BICC1: variants seen among roughly 807,000 people sequenced by gnomAD.
BICC1 encodes BicC family RNA binding protein 1, also known as protein bicaudal C homolog 1.
A neutral mutation model predicts 111.0 loss-of-function variants in BICC1; 43 were observed. That is an observed-to-expected ratio of 0.39 (90% CI 0.30 to 0.50). The LOEUF is 0.50. Among genes scored for constraint, BICC1 ranks in the 20% least tolerant of loss-of-function variants. The pLI is 0.88. For synonymous variants in BICC1, 467 were observed against 434.4 expected, an observed-to-expected ratio of 1.07 and a Z score of -0.93; for missense variants, 1,091 against 1,203.2, an observed-to-expected ratio of 0.91 and a Z score of 1.38.
chr10:58,732,094 C>G (rs998137121), intron 3 of BICC1, among the ~76,000 whole-genome samples: 1 of 152,016 alleles, frequency 6.6e-6, no homozygotes, highest in South Asian at 2.1e-4. Context: ...TTTCAACATG[C>G]CTTGTTTACT....
chr10:58,512,845 T>A (rs1474429886), upstream of BICC1, among the ~76,000 whole-genome samples: 1 of 148,610 alleles, frequency 6.7e-6, no homozygotes, highest in Non-Finnish European at 1.5e-5. Flanking sequence ...GCCCTGCGGA[T>A]GGAGGCGCGG....
At chr10:58,516,962 C>G (rs1842257701) in intron 1 of BICC1, among the ~76,000 whole-genome samples, 1 of 152,052 alleles carries the variant, frequency 6.6e-6, no homozygotes, top group Non-Finnish European at 1.5e-5. Context: ...TGCCAGAGTA[C>G]TGAGGCAATC....
intron 3 of BICC1, among the ~76,000 whole-genome samples, chr10:58,704,986 A>C (rs1467623164): frequency 6.6e-6 from 1 of 152,206 alleles, no homozygotes; most frequent in African/African-American, 2.4e-5. Context: ...TTTACTTTTT[A>C]AGCCATTAAT....
intron 17 of BICC1, among the ~76,000 whole-genome samples, chr10:58,809,408 CTT>C (rs1843827511): frequency 2.0e-5 from 3 of 151,544 alleles, no homozygotes; most frequent in Admixed American, 6.6e-5. Context: ...ACTGGCTAGT[CTT>C]TGTATTTTTG....
At chr10:58,774,940 CAGA>C (rs1175411369) in intron 3 of BICC1, among the ~76,000 whole-genome samples, 2 of 152,064 alleles carry the variant, frequency 1.3e-5, no homozygotes, top group Non-Finnish European at 2.9e-5. Context: ...GAAGAAATTT[CAGA>C]AGATCATCTT....
intron 2 of BICC1, among the ~76,000 whole-genome samples, chr10:58,687,481 A>T (rs1839772703): frequency 6.6e-6 from 1 of 152,196 alleles, no homozygotes; most frequent in African/African-American, 2.4e-5. Flanking sequence ...GAGTCTACAG[A>T]GGGAGGCAGG....
intron 1 of BICC1, among the ~76,000 whole-genome samples, chr10:58,550,296 A>G (rs1843261829): frequency 6.6e-6 from 1 of 152,166 alleles, no homozygotes; most frequent in African/African-American, 2.4e-5. Flanking sequence ...TGCTAGGGCT[A>G]CAGGCATGAG....
rs182843124 is a variant in BICC1 at position 58,540,675 on chromosome 10, A to G, written c.190+27342A>G. 2.0e-5 allele frequency among the ~76,000 whole-genome samples: 3 copies of G among 152,182 alleles called. No homozygotes were observed. The East Asian group carries it at 5.8e-4, about 29-fold the overall frequency. On this transcript the variant is annotated intron_variant, in intron 1 of 20. Coordinates refer to ENST00000373886, the MANE Select transcript of BICC1 (RefSeq NM_001080512.3). ...TGGCTTCACTGGAGAATGCTTCTAA[A>G]CAATTAAATAAGAATTAACACCAGT...
intron 3 of BICC1, among the ~76,000 whole-genome samples, chr10:58,734,045 T>G (rs570231810): frequency 6.6e-6 from 1 of 152,228 alleles, no homozygotes; most frequent in Non-Finnish European, 1.5e-5. Flanking sequence ...CACTTCCATC[T>G]GTGGGAAAAG....
In BICC1 at chr10:58,554,751, G is replaced by C. The variant is rs559195859; in HGVS notation, c.190+41418G>C. On this transcript the variant is annotated intron_variant, in intron 1 of 20. Transcript: ENST00000373886. ...TTTAAACAATGTGATATCAATGTTG[G>C]TTTAATATCCTGATTTTTAAAGTCT... 2.5e-3 allele frequency among the ~76,000 whole-genome samples: 382 copies of C among 150,564 alleles called. 2 individuals are homozygous for C. The highest frequency in any genetic ancestry group is 3.5e-3 in the Non-Finnish European group (236 of 67,648).
intron 1 of BICC1, among the ~76,000 whole-genome samples, chr10:58,615,892 C>T (rs1845587529): frequency 6.6e-6 from 1 of 152,124 alleles, no homozygotes; most frequent in Admixed American, 6.5e-5. Context: ...AAGTGCAAAG[C>T]CCTGAGAAGG....
In BICC1 at chr10:58,764,629, C is replaced by CTT. The variant is rs11366847; in HGVS notation, c.308-20353_308-20352dup. On this transcript the variant is annotated intron_variant, in intron 3 of 20. Coordinates refer to ENST00000373886, the MANE Select transcript of BICC1 (RefSeq NM_001080512.3). ...CTGGAAATTGATCACTAATTTCCTT[C>CTT]TTTTTTTTTTTTTTTTTTTTGTTCT... Among the ~76,000 whole-genome samples the CTT allele has an allele frequency of 4.0e-3, 475 of 117,532 alleles. 4 individuals carry two copies. Among genetic ancestry groups the CTT allele is most frequent in the African/African-American group, 0.013 (426 of 31,804 alleles). 77.1% of individuals were successfully genotyped at this position (117,532 alleles called of 152,430 possible).
At chr10:58,703,164 CT>C (rs3076275) in intron 3 of BICC1, among the ~76,000 whole-genome samples, 2 of 130,404 alleles carry the variant, frequency 1.5e-5, no homozygotes, top group Non-Finnish European at 3.1e-5. Flanking sequence ...TATCTTGCTA[CT>C]TTTTTTTTTT....
intron 2 of BICC1, among the ~76,000 whole-genome samples, chr10:58,662,838 A>G (rs2132294769): frequency 6.6e-6 from 1 of 152,318 alleles, no homozygotes; most frequent in East Asian, 1.9e-4. Context: ...ATTCAGTTAC[A>G]TGTGGAAAAC....
At chr10:58,538,615 T>C (rs1842883352) in intron 1 of BICC1, among the ~76,000 whole-genome samples, 1 of 151,804 alleles carries the variant, frequency 6.6e-6, no homozygotes, top group South Asian at 2.1e-4. Flanking sequence ...AAATGGGACC[T>C]AATTAAACAA....
intron 3 of BICC1, among the ~76,000 whole-genome samples, chr10:58,703,759 T>A (rs1173428636): frequency 6.6e-6 from 1 of 152,234 alleles, no homozygotes; most frequent in Non-Finnish European, 1.5e-5. Flanking sequence ...GAACATAGAC[T>A]AAATCTTCTT....
chr10:58,698,119 C>G (rs1840119239), intron 2 of BICC1, among the ~76,000 whole-genome samples: 1 of 152,162 alleles, frequency 6.6e-6, no homozygotes, highest in South Asian at 2.1e-4. Flanking sequence ...GTGGCCCCTT[C>G]CTATGTGTAA....
intron 1 of BICC1, among the ~76,000 whole-genome samples, chr10:58,588,159 T>C (rs1844487757): frequency 6.6e-6 from 1 of 152,244 alleles, no homozygotes; most frequent in Non-Finnish European, 1.5e-5. Flanking sequence ...ATGTATCTTA[T>C]TCCCTTCAAA....
chr10:58,648,851 T>C (rs145648930), intron 2 of BICC1, among the ~76,000 whole-genome samples: 55 of 152,314 alleles, frequency 3.6e-4, no homozygotes, highest in African/African-American at 1.3e-3. Context: ...ATGATTTGAG[T>C]AGGACCTTGC....
Sources: allele counts gnomAD v4.1 joint callset (sites outside exome capture counted in the v4.1 genomes callset), GRCh38; gene constraint gnomAD v4.1.1; transcripts MANE v1.5; gene names NCBI Gene and HGNC (gene_info 2026-07-23, HGNC 2026-07-21).